Variants in PATJ observed in about 807,000 individuals in gnomAD.
PATJ encodes the protein inaD-like protein.
PATJ carries 190 observed loss-of-function variants against 224.9 expected under a neutral mutation model. That is an observed-to-expected ratio of 0.84 (90% CI 0.75 to 0.95). The LOEUF (loss-of-function observed/expected upper bound fraction) is 0.95, where lower values mean the gene tolerates loss of function less well. PATJ is among the 40% of genes least tolerant of loss of function. The pLI is 0.00. For missense variants in PATJ, 2,121 were observed against 2,270.3 expected, an observed-to-expected ratio of 0.93 and a Z score of 1.34; for synonymous variants, 769 against 820.3, an observed-to-expected ratio of 0.94 and a Z score of 1.07.
chr1:61,830,444 A>G (rs1327805186), intron 16 of PATJ, among the ~76,000 whole-genome samples: 2 of 146,358 alleles, frequency 1.4e-5, no homozygotes, highest in East Asian at 2.1e-4. Flanking sequence ...AAAGCAATTT[A>G]TAGATTCAGT....
chr1:62,100,233 T>C, intron 33 of PATJ: 1 of 586,266 alleles, frequency 1.7e-6, no homozygotes. Context: ...ATCAGAAGCT[T>C]GGTGTCTTAC....
chr1:62,090,151 C>A (rs74076525), intron 33 of PATJ, among the ~76,000 whole-genome samples: 7,437 of 152,198 alleles, frequency 0.049, 341 homozygotes, highest in African/African-American at 0.13. Flanking sequence ...TTTAAATCGA[C>A]CTTTTAAAAT....
intron 24 of PATJ, among the ~76,000 whole-genome samples, chr1:61,903,682 T>G (rs1454508891): frequency 6.6e-6 from 1 of 152,192 alleles, no homozygotes. Context: ...GGTTTTCTTC[T>G]GTATTCCTAT....
chr1:61,922,995 G>C (rs528340143), intron 26 of PATJ, among the ~76,000 whole-genome samples: 1 of 152,278 alleles, frequency 6.6e-6, no homozygotes, highest in Admixed American at 6.5e-5. Context: ...TCCCAGGAAA[G>C]AAAAAAGTAA....
At chr1:61,792,744 G>T (rs1234115879) in intron 9 of PATJ, among the ~76,000 whole-genome samples, 1 of 152,036 alleles carries the variant, frequency 6.6e-6, no homozygotes, top group Non-Finnish European at 1.5e-5. Flanking sequence ...TGGCCAGGGT[G>T]GTCTCAAACT....
intron 7 of PATJ, among the ~76,000 whole-genome samples, chr1:61,784,721 A>G (rs1458920453): frequency 6.6e-6 from 1 of 152,192 alleles, no homozygotes; most frequent in South Asian, 2.1e-4. Context: ...TACAGAGGCA[A>G]CTTTACCCTT....
intron 14 of PATJ, among the ~76,000 whole-genome samples, chr1:61,813,025 G>A (rs1014269536): frequency 2.0e-5 from 3 of 151,884 alleles, no homozygotes; most frequent in African/African-American, 7.2e-5. Flanking sequence ...AGCCTCCTGT[G>A]TCATATTACT....
Position 62,162,304 on chromosome 1 carries a change from G to A in PATJ, c.*1250G>A, listed in dbSNP as rs1278172330. 1 of 152,210 alleles carries A rather than the reference G, an allele frequency of 6.6e-6. No homozygotes were observed. Among genetic ancestry groups the A allele is most frequent in the Non-Finnish European group, 1.5e-5 (1 of 68,050 alleles). The allele number at this position is 152,210 out of a possible 1,614,324, so 9.4% of individuals were successfully genotyped here. A position where few individuals can be genotyped will look rare whatever the true frequency, so the allele number is the denominator to read the frequency against. Reference sequence around the variant, plus strand: ...GCAAGTTTTGTCTCAAGTCAGACAAGGTCTAGGTGGCCTTGGCCTTATGCA... The same window carrying A: ...GCAAGTTTTGTCTCAAGTCAGACAAAGTCTAGGTGGCCTTGGCCTTATGCA... On this transcript the variant is annotated 3_prime_UTR_variant, in exon 44 of 44. Coordinates refer to ENST00000642238, the MANE Select transcript of PATJ (RefSeq NM_001350145.3).
intron 42 of PATJ, among the ~76,000 whole-genome samples, chr1:62,149,681 A>T (rs1188483394): frequency 6.6e-6 from 1 of 152,076 alleles, no homozygotes; most frequent in Non-Finnish European, 1.5e-5. Context: ...TGGCTATGGA[A>T]ATACAGAGAT....
intron 3 of PATJ, among the ~76,000 whole-genome samples, 155 bp from the exon 4 acceptor site, chr1:61,766,124 T>A (rs943662098): frequency 6.6e-6 from 1 of 152,238 alleles, no homozygotes; most frequent in Non-Finnish European, 1.5e-5. Context: ...ATTTTTAGCC[T>A]TGTGAATACA....
At position 62,116,541 on chromosome 1, in the gene PATJ, C is replaced by T. The variant is rs753404224; in HGVS notation, c.4665C>T (p.Ser1555=). Residue 1555 remains serine, a synonymous_variant, in exon 36 of 44, where the codon AGC becomes AGT. Coordinates refer to ENST00000642238, the MANE Select transcript of PATJ (RefSeq NM_001350145.3). ...GLSIVGKRNG[S]GVFISDIVKG... ...TGTATGGTATTAACAGAAATGGAAG[C>T]GGAGTGTTTATTTCTGACATCGTGA... The T allele has an allele frequency of 1.2e-5, 20 of 1,613,730 alleles. No homozygotes were observed. Among genetic ancestry groups the T allele is most frequent in the East Asian group, 4.5e-5 (2 of 44,872 alleles).
intron 32 of PATJ, among the ~76,000 whole-genome samples, chr1:62,080,432 A>G (rs149367606): frequency 2.7e-4 from 41 of 152,160 alleles, no homozygotes; most frequent in African/African-American, 8.4e-4. Context: ...CCTGGGTTCA[A>G]GTGATTCTCC....
intron 17 of PATJ, among the ~76,000 whole-genome samples, chr1:61,835,584 C>T (rs1660050056): frequency 6.6e-6 from 1 of 151,614 alleles, no homozygotes; most frequent in African/African-American, 2.4e-5. Context: ...TTCTATTTTT[C>T]GTAGAGATGG....
intron 16 of PATJ, among the ~76,000 whole-genome samples, chr1:61,832,491 A>C (rs1271346826): frequency 6.6e-6 from 1 of 152,144 alleles, no homozygotes; most frequent in African/African-American, 2.4e-5. Flanking sequence ...ATTTTTATTT[A>C]CTGAGGTTAC....
intron 28 of PATJ, among the ~76,000 whole-genome samples, chr1:61,998,013 TTAA>T (rs1558014812): frequency 8.8e-6 from 1 of 114,070 alleles, no homozygotes; most frequent in Non-Finnish European, 1.8e-5. Flanking sequence ...ATTATATATA[TTAA>T]TTATATATAA....
intron 27 of PATJ, among the ~76,000 whole-genome samples, chr1:61,939,866 G>C (rs1219265235): frequency 6.6e-6 from 1 of 151,482 alleles, no homozygotes; most frequent in Admixed American, 6.6e-5. Flanking sequence ...TAGAGACATG[G>C]TTCCACCATG....
At chr1:61,870,689 G>A (rs561881361) in intron 20 of PATJ, among the ~76,000 whole-genome samples, 1 of 152,228 alleles carries the variant, frequency 6.6e-6, no homozygotes, top group South Asian at 2.1e-4. Context: ...TATGAACATT[G>A]GTATATAAAT....
At chr1:61,905,007 G>A (rs576130391) in intron 24 of PATJ, among the ~76,000 whole-genome samples, 33 of 152,348 alleles carry the variant, frequency 2.2e-4, no homozygotes, top group Admixed American at 1.8e-3. Flanking sequence ...AATGGATTGA[G>A]TCCAAGAGTT....
intron 31 of PATJ, among the ~76,000 whole-genome samples, chr1:62,057,450 A>C (rs960311839): frequency 1.1e-4 from 17 of 152,204 alleles, no homozygotes; most frequent in African/African-American, 3.9e-4. Flanking sequence ...AGAGGTCTGC[A>C]GGAGATGACT....
Sources: allele counts gnomAD v4.1 joint callset (sites outside exome capture counted in the v4.1 genomes callset), GRCh38; gene constraint gnomAD v4.1.1; transcripts MANE v1.5; gene names NCBI Gene and HGNC (gene_info 2026-07-23, HGNC 2026-07-21).